Variants in KIRREL3 observed in about 807,000 individuals in gnomAD.
KIRREL3 encodes kirre like nephrin family adhesion molecule 3.
Under a neutral mutation model 89.7 loss-of-function variants are expected in KIRREL3, and 36 were observed. The ratio of observed to expected loss-of-function variants is 0.40; its 90% confidence interval spans 0.31 to 0.53. The LOEUF is 0.53. Ranked by LOEUF, KIRREL3 falls within the 20% of genes least tolerant of loss-of-function variation. The pLI is 0.49. For missense variants in KIRREL3, 864 were observed against 1,056.6 expected (o/e 0.82, Z 2.53); for synonymous variants, 445 against 441.4 (o/e 1.01, Z -0.10).
At position 126,587,055 on chromosome 11, in the gene KIRREL3, A is replaced by G. The variant is rs1249775536; in HGVS notation, c.56-24143T>C. 6.6e-6 allele frequency among the ~76,000 whole-genome samples: 1 copy of G among 152,188 alleles called. No homozygotes were observed. Among genetic ancestry groups the G allele is most frequent in the Admixed American group, 6.5e-5 (1 of 15,282 alleles). On this transcript the variant is annotated intron_variant, in intron 1 of 16. Coordinates refer to ENST00000525144, the MANE Select transcript of KIRREL3 (RefSeq NM_032531.4). The surrounding 1 kb of genome is among the most constrained non-coding windows in gnomAD (Gnocchi z 5.2). ...TCCCTGCCTCAGGGAGCTGGGAGTC[A>G]GTGGGAGAGATGAATAAACAGGCAA...
At chr11:126,585,801 ACTCCATCAATG>A (rs1470125127) in intron 1 of KIRREL3, among the ~76,000 whole-genome samples, 3 of 151,962 alleles carry the variant, frequency 2.0e-5, no homozygotes, top group Non-Finnish European at 4.4e-5. Flanking sequence ...GCTAAAAGGT[ACTCCATCAATG>A]TAAACGACCG....
At chr11:126,585,739 C>T (rs946327696) in intron 1 of KIRREL3, among the ~76,000 whole-genome samples, 2 of 152,116 alleles carry the variant, frequency 1.3e-5, no homozygotes, top group Non-Finnish European at 2.9e-5. Context: ...CACTCTACGC[C>T]GGTGTCTGTT....
chr11:126,593,967 G>A (rs961184731), intron 1 of KIRREL3, among the ~76,000 whole-genome samples: 1 of 152,190 alleles, frequency 6.6e-6, no homozygotes, highest in Non-Finnish European at 1.5e-5. Flanking sequence ...CTCAGTGGTG[G>A]ATGCAGATGA....
intron 1 of KIRREL3, among the ~76,000 whole-genome samples, chr11:126,827,180 A>ATTTTTTTT (rs61491863): frequency 6.7e-6 from 1 of 148,388 alleles, no homozygotes; most frequent in African/African-American, 2.5e-5. Flanking sequence ...CCAGATTCAG[A>ATTTTTTTT]TTTTTTTTTT....
chr11:126,974,764 G>A (rs933257965), intron 1 of KIRREL3, among the ~76,000 whole-genome samples: 2 of 152,154 alleles, frequency 1.3e-5, no homozygotes, highest in African/African-American at 4.8e-5. Flanking sequence ...GGAGTGCAGT[G>A]GCACGTTCTC....
At position 126,551,163 on chromosome 11, in the gene KIRREL3, G is replaced by T. The variant is rs376366138; in HGVS notation, c.133+11672C>A. Among the ~76,000 whole-genome samples, 1 of 152,144 alleles carries T rather than the reference G, an allele frequency of 6.6e-6. No individual in the cohort carries two copies. Among genetic ancestry groups the T allele is most frequent in the East Asian group, 1.9e-4 (1 of 5,198 alleles). On this transcript the variant is annotated intron_variant, in intron 2 of 16. Transcript: ENST00000525144. This position sits in a 1 kb window ranked among gnomAD's most constrained non-coding sequence, Gnocchi z 4.9. ...AGGAGCTTCCACGCCCTCCCTGAGT[G>T]CGCCACCCTCCAGGAAGCTTTACAT...
chr11:126,638,842 A>C (rs1468357056), intron 1 of KIRREL3, among the ~76,000 whole-genome samples: 1 of 152,186 alleles, frequency 6.6e-6, no homozygotes, highest in Non-Finnish European at 1.5e-5. Flanking sequence ...CTAATGACCC[A>C]GGCATCACCC....
chr11:126,873,908 A>T (rs1240231496), intron 1 of KIRREL3, among the ~76,000 whole-genome samples: 1 of 152,238 alleles, frequency 6.6e-6, no homozygotes, highest in Admixed American at 6.5e-5. Context: ...ATATTGGGGC[A>T]CCCAGACCAC....
At chr11:126,800,692 T>C (rs1263133037) in intron 1 of KIRREL3, among the ~76,000 whole-genome samples, 5 of 152,076 alleles carry the variant, frequency 3.3e-5, no homozygotes, top group Admixed American at 1.3e-4. Flanking sequence ...GCTGCATTAG[T>C]GAGGGAAATG....
chr11:126,466,480 G>A (rs1162489471), intron 5 of KIRREL3, among the ~76,000 whole-genome samples: 1 of 152,222 alleles, frequency 6.6e-6, no homozygotes. Context: ...GGGGGGCCCA[G>A]GGGGAAGGCT....
rs1425697036 is a variant in KIRREL3 at position 126,811,317 on chromosome 11, G to C, written c.55+189138C>G. 6.6e-6 allele frequency among the ~76,000 whole-genome samples: 1 copy of C among 152,212 alleles called. No individual in the cohort carries two copies. The highest frequency in any genetic ancestry group is 1.5e-5 in the Non-Finnish European group (1 of 68,036). On this transcript the variant is annotated intron_variant, in intron 1 of 16. Transcript: ENST00000525144. This position sits in a 1 kb window ranked among gnomAD's most constrained non-coding sequence, Gnocchi z 4.3. ...AACTTTGACCCAGAACCGAGTGACTGTTATGGAGCTACGAGGTCCTTGTCT... is the reference window on the plus strand; with the variant it reads ...AACTTTGACCCAGAACCGAGTGACTCTTATGGAGCTACGAGGTCCTTGTCT...
At chr11:126,654,916 G>A (rs1005852289) in intron 1 of KIRREL3, among the ~76,000 whole-genome samples, 1 of 152,106 alleles carries the variant, frequency 6.6e-6, no homozygotes, top group Admixed American at 6.5e-5. Context: ...GTCTGCAGAG[G>A]ACCATTCATT....
chr11:126,910,939 A>C (rs1946790815), intron 1 of KIRREL3, among the ~76,000 whole-genome samples: 1 of 152,210 alleles, frequency 6.6e-6, no homozygotes, highest in Non-Finnish European at 1.5e-5. Flanking sequence ...AGCAAGACTG[A>C]AAGACAGATG....
intron 12 of KIRREL3, among the ~76,000 whole-genome samples, chr11:126,436,038 GC>G (rs1955319061): frequency 6.6e-6 from 1 of 152,190 alleles, no homozygotes; most frequent in Admixed American, 6.5e-5. Flanking sequence ...CCCCTCCAAG[GC>G]TCCCCATCCT....
Position 126,459,473 on chromosome 11 carries a change from C to T in KIRREL3, c.743-3019G>A, listed in dbSNP as rs1287160295. On this transcript the variant is annotated intron_variant, in intron 6 of 16. Transcript: ENST00000525144. The surrounding 1 kb of genome is among the most constrained non-coding windows in gnomAD (Gnocchi z 4.8). ...CCATATCTGCACCTCCACCCCAAGA[C>T]CAGAGGTGCCCAAGCTTCTTTCTCC... Among the ~76,000 whole-genome samples, 1 of 152,188 alleles carries T rather than the reference C, an allele frequency of 6.6e-6. No individual in the cohort carries two copies. Among genetic ancestry groups the T allele is most frequent in the Non-Finnish European group, 1.5e-5 (1 of 68,054 alleles).
At position 126,870,396 on chromosome 11, in the gene KIRREL3, G is replaced by T. The variant is rs867102624; in HGVS notation, c.55+130059C>A. Among the ~76,000 whole-genome samples, 1 of 152,240 alleles carries T rather than the reference G, an allele frequency of 6.6e-6. No homozygotes were observed. Among genetic ancestry groups the T allele is most frequent in the Non-Finnish European group, 1.5e-5 (1 of 68,034 alleles). ...GCTGGAGGTCCCATCCAGTCAAGTG[G>T]CTCGCCACTTAGGTCTGAACCAAAG... On this transcript the variant is annotated intron_variant, in intron 1 of 16. Coordinates refer to ENST00000525144, the MANE Select transcript of KIRREL3 (RefSeq NM_032531.4). This position sits in a 1 kb window ranked among gnomAD's most constrained non-coding sequence, Gnocchi z 4.4.
Position 126,463,438 on chromosome 11 carries a change from A to G in KIRREL3, c.592-131T>C, listed in dbSNP as rs923090654. On this transcript the variant is annotated intron_variant, in intron 5 of 16. Coordinates refer to ENST00000525144, the MANE Select transcript of KIRREL3 (RefSeq NM_032531.4). This position sits in a 1 kb window ranked among gnomAD's most constrained non-coding sequence, Gnocchi z 5.9. ...TGGATGGAGGGGTTCAGCTTAGGAG[A>G]CCTGGGCTGCCCATGTCTACGCAGA... 1.0e-4 allele frequency: 91 copies of G among 910,668 alleles called. No homozygotes were observed. Among genetic ancestry groups the G allele is most frequent in the Non-Finnish European group, 1.4e-4 (85 of 613,588 alleles). 56.4% of individuals were successfully genotyped at this position (910,668 alleles called of 1,614,324 possible).
At position 126,995,936 on chromosome 11, in the gene KIRREL3, G is replaced by A. The variant is rs1055811469; in HGVS notation, c.55+4519C>T. On this transcript the variant is annotated intron_variant, in intron 1 of 16. Transcript: ENST00000525144. The surrounding 1 kb of genome is among the most constrained non-coding windows in gnomAD (Gnocchi z 6.5). ...TTCTTGGTACCATGCCTAGCTTGCC[G>A]CTGCCTGTTCCAAGCCAAATCCTCC... is the stretch of plus-strand genomic sequence containing the variant. 2.0e-5 allele frequency among the ~76,000 whole-genome samples: 3 copies of A among 152,100 alleles called. No homozygotes were observed. The highest frequency in any genetic ancestry group is 2.9e-5 in the Non-Finnish European group (2 of 68,032).
chr11:126,661,028 G>A (rs1279701742), intron 1 of KIRREL3, among the ~76,000 whole-genome samples: 1 of 152,216 alleles, frequency 6.6e-6, no homozygotes, highest in African/African-American at 2.4e-5. Flanking sequence ...TGATGTTTAT[G>A]TGTCTTGGCC....
Sources: gnomAD v4.1 joint callset for allele counts (sites outside exome capture counted in the v4.1 genomes callset) on GRCh38, gnomAD v4.1.1 for gene constraint, Gnocchi (gnomAD v3.1) non-coding constraint, MANE v1.5 for transcripts, NCBI Gene and HGNC (gene_info 2026-07-23, HGNC 2026-07-21) for gene names.